AMPH: variants seen among roughly 807,000 people sequenced by gnomAD.
The protein encoded by AMPH is amphiphysin (Stiff-Mann syndrome with breast cancer 128kD autoantigen).
Under a neutral mutation model 99.1 loss-of-function variants are expected in AMPH, and 49 were observed. The ratio of observed to expected loss-of-function variants is 0.49; its 90% CI spans 0.39 to 0.63. AMPH has a LOEUF of 0.63. AMPH is among the 20% of genes least tolerant of loss of function. The pLI is 0.00. For synonymous variants in AMPH, 314 were observed against 317.3 expected (o/e 0.99, Z 0.11); for missense variants, 759 against 863.4 (o/e 0.88, Z 1.52).
intron 1 of AMPH, among the ~76,000 whole-genome samples, chr7:38,556,519 C>T (rs967441964): frequency 1.8e-4 from 27 of 152,128 alleles, no homozygotes; most frequent in African/African-American, 6.5e-4. Context: ...ACTGTAGTCC[C>T]GCAGTCAAGG....
intron 2 of AMPH, among the ~76,000 whole-genome samples, chr7:38,521,106 T>C (rs1251449882): frequency 2.9e-5 from 3 of 104,734 alleles, no homozygotes. Context: ...AAATAATTTG[T>C]GTCCTATAGA....
chr7:38,562,443 C>T (rs1407447667), intron 1 of AMPH, among the ~76,000 whole-genome samples: 1 of 152,030 alleles, frequency 6.6e-6, no homozygotes, highest in African/African-American at 2.4e-5. Flanking sequence ...AAGAAGGAAT[C>T]GCTAGTTCAT....
chr7:38,467,436 T>A (rs1353985457), intron 7 of AMPH, among the ~76,000 whole-genome samples: 1 of 152,208 alleles, frequency 6.6e-6, no homozygotes, highest in East Asian at 1.9e-4. Flanking sequence ...TGGCAACTCA[T>A]GACCCCTTCT....
intron 19 of AMPH, among the ~76,000 whole-genome samples, chr7:38,390,802 T>A (rs1457471946): frequency 1.3e-5 from 2 of 152,326 alleles, no homozygotes; most frequent in Non-Finnish European, 2.9e-5. Context: ...CTTGGACTGC[T>A]TGTGCTCCAG....
chr7:38,429,077 T>C, intron 14 of AMPH: 2 of 1,290,448 alleles, frequency 1.5e-6, no homozygotes, highest in Middle Eastern at 2.1e-4. Flanking sequence ...CCTCCACACC[T>C]GCCCACAGAG....
At chr7:38,428,550 T>C in intron 14 of AMPH, 1 of 456,728 alleles carries the variant, frequency 2.2e-6, no homozygotes, top group Non-Finnish European at 4.4e-6. Flanking sequence ...TGTACTGTCT[T>C]GTGCTGGGTA....
At chr7:38,548,056 T>A (rs1002447850) in intron 1 of AMPH, among the ~76,000 whole-genome samples, 42 of 141,618 alleles carry the variant, frequency 3.0e-4, no homozygotes, top group Non-Finnish European at 4.8e-4. Context: ...TGTGACAGAG[T>A]CTCGCTCTGT....
intron 11 of AMPH, among the ~76,000 whole-genome samples, chr7:38,446,044 C>CCATG (rs1361910820): frequency 1.3e-5 from 2 of 152,186 alleles, no homozygotes; most frequent in Non-Finnish European, 2.9e-5. Flanking sequence ...GCAAATGCTG[C>CCATG]CATGCTTCCT....
chr7:38,415,002 A>AC (rs1371712937), intron 17 of AMPH, among the ~76,000 whole-genome samples: 1 of 152,212 alleles, frequency 6.6e-6, no homozygotes, highest in Non-Finnish European at 1.5e-5. Context: ...TTCATTATTT[A>AC]CATAACATAG....
chr7:38,497,055 G>T (rs1788958193), intron 3 of AMPH, among the ~76,000 whole-genome samples: 2 of 152,160 alleles, frequency 1.3e-5, no homozygotes, highest in Non-Finnish European at 2.9e-5. Context: ...TGGATAAGTG[G>T]TGATGGATCA....
chr7:38,428,239 C>T (rs1355418923), intron 14 of AMPH: 3 of 456,588 alleles, frequency 6.6e-6, no homozygotes, highest in Non-Finnish European at 1.3e-5. Context: ...ATTGCTGAAT[C>T]CAAGCTTGGC....
At chr7:38,554,649 A>C (rs1791300792) in intron 1 of AMPH, among the ~76,000 whole-genome samples, 1 of 152,254 alleles carries the variant, frequency 6.6e-6, no homozygotes, top group Non-Finnish European at 1.5e-5. Flanking sequence ...AGTGGGCTAG[A>C]AACCCAGAAC....
chr7:38,627,907 C>T lies in AMPH; in HGVS notation c.69+3376G>A, dbSNP rs116818244. 8.0e-3 allele frequency among the ~76,000 whole-genome samples: 1,217 copies of T among 152,264 alleles called. 17 individuals are homozygous for T. The highest frequency in any genetic ancestry group is 0.027 in the African/African-American group (1,137 of 41,548). ...AGCCAGTTTGGGTTGAGCTTTCTGA[C>T]ACCTGCATGTAGCAGGATCCTGACT... On this transcript the variant is annotated intron_variant, in intron 1 of 20. Transcript: ENST00000356264.
At chr7:38,604,021 T>C (rs1014632837) in intron 1 of AMPH, among the ~76,000 whole-genome samples, 4 of 152,204 alleles carry the variant, frequency 2.6e-5, no homozygotes, top group African/African-American at 7.2e-5. Flanking sequence ...ATAATTACAG[T>C]AGGAGAATTA....
Position 38,383,832 on chromosome 7 carries a change from G to A in AMPH, c.*986C>T, listed in dbSNP as rs1170348394. 3.9e-5 allele frequency: 6 copies of A among 152,662 alleles called. No homozygotes were observed. Among genetic ancestry groups the A allele is most frequent in the Non-Finnish European group, 1.5e-5 (1 of 68,042 alleles). The allele number at this position is 152,662 out of a possible 1,614,324, so 9.5% of individuals were successfully genotyped here. On this transcript the variant is annotated 3_prime_UTR_variant, in exon 21 of 21. Transcript: ENST00000356264. ...TTACTTTAGAACAATCTGTGAAGAT[G>A]AGTTGCATAAATAGAAAGAGGTGGA...
At chr7:38,619,144 A>AG (rs1793969319) in intron 1 of AMPH, among the ~76,000 whole-genome samples, 1 of 152,180 alleles carries the variant, frequency 6.6e-6, no homozygotes. Flanking sequence ...GTGAGTTATG[A>AG]TCGTGCCTGT....
chr7:38,490,375 C>A (rs564996558), intron 5 of AMPH, among the ~76,000 whole-genome samples: 38 of 152,118 alleles, frequency 2.5e-4, no homozygotes, highest in Non-Finnish European at 4.0e-4. Flanking sequence ...TACCATATAC[C>A]AACCCTGATA....
chr7:38,407,074 ATATGTGTGTGTGTGTG>A lies in AMPH; in HGVS notation c.1398+10735_1398+10750del, dbSNP rs1163966164. Among the ~76,000 whole-genome samples, 19 of 32,272 alleles carry A rather than the reference ATATGTGTGTGTGTGTG, an allele frequency of 5.9e-4. 1 individual carries two copies. Among genetic ancestry groups the A allele is most frequent in the African/African-American group, 2.0e-3 (19 of 9,674 alleles). 21.2% of individuals were successfully genotyped at this position (32,272 alleles called of 152,430 possible). A position where few individuals can be genotyped will look rare whatever the true frequency, so the allele number is the denominator to read the frequency against. ...TATATATATATATATATATATATAT[ATATGTGTGTGTGTGTG>A]TGTGTGTGTGTGTGTGTGTGTGTGT... On this transcript the variant is annotated intron_variant, in intron 17 of 20. Transcript: ENST00000356264.
chr7:38,414,614 G>A (rs1785311315), intron 17 of AMPH, among the ~76,000 whole-genome samples: 1 of 152,072 alleles, frequency 6.6e-6, no homozygotes, highest in Non-Finnish European at 1.5e-5. Flanking sequence ...ATCTTTACCT[G>A]CTTTACAACC....
Sources: gnomAD v4.1 joint callset for allele counts (sites outside exome capture counted in the v4.1 genomes callset) on GRCh38, gnomAD v4.1.1 for gene constraint, MANE v1.5 for transcripts, NCBI Gene and HGNC (gene_info 2026-07-23, HGNC 2026-07-21) for gene names.